The following NCKAP5 variants were observed in gnomAD, a reference collection of about 807,000 sequenced individuals.
NCKAP5 encodes the protein NCK associated protein 5, also known as nck-associated protein 5.
A neutral mutation model predicts 167.0 loss-of-function variants in NCKAP5; 92 were observed. The ratio of observed to expected loss-of-function variants is 0.55; its 90% CI spans 0.47 to 0.66. NCKAP5 has a LOEUF of 0.66. Ranked by LOEUF, NCKAP5 falls within the 30% of genes least tolerant of loss-of-function variation. The probability of loss-of-function intolerance (pLI) is 0.00; values close to 1 mark genes in which losing one functional copy is unlikely to be tolerated. For missense variants in NCKAP5, 2,378 were observed against 2,315.0 expected (o/e 1.03, Z -0.56); for synonymous variants, 891 against 877.4 (o/e 1.02, Z -0.27).
In NCKAP5 at chr2:132,944,417, A is replaced by G. The variant is rs555934610; in HGVS notation, c.579+19303T>C. ...TTATTTTGTGCCAATTTCTGTGTTAAGGACCTTAAAATTGTCATCTCATTT... is the reference window on the plus strand; with the variant it reads ...TTATTTTGTGCCAATTTCTGTGTTAGGGACCTTAAAATTGTCATCTCATTT... On this transcript the variant is annotated intron_variant, in intron 8 of 19. Transcript: ENST00000409261. Among the ~76,000 whole-genome samples, 11 of 152,352 alleles carry G rather than the reference A, an allele frequency of 7.2e-5. No homozygotes were observed. The South Asian group carries it at 2.3e-3, about 32-fold the overall frequency.
chr2:132,700,930 C>T (rs113199166), intron 19 of NCKAP5, among the ~76,000 whole-genome samples: 6 of 113,170 alleles, frequency 5.3e-5, no homozygotes, highest in African/African-American at 7.5e-5. Context: ...ATCCCCTGGG[C>T]GGGGGGGGGG....
At chr2:133,410,898 G>A (rs1688733333) in intron 3 of NCKAP5, among the ~76,000 whole-genome samples, 1 of 152,148 alleles carries the variant, frequency 6.6e-6, no homozygotes, top group African/African-American at 2.4e-5. Context: ...TGGGGTGAGG[G>A]ACTGGGAGCA....
chr2:132,853,085 C>G (rs192681049), intron 11 of NCKAP5, among the ~76,000 whole-genome samples: 118 of 152,248 alleles, frequency 7.8e-4, no homozygotes, highest in African/African-American at 2.6e-3. Flanking sequence ...GCATAGTGCC[C>G]AGGTGTTCTG....
At chr2:133,655,009 A>AC in the NCKAP5 span, among the ~76,000 whole-genome samples, 1 of 152,184 alleles carries the variant, frequency 6.6e-6, no homozygotes, top group Non-Finnish European at 1.5e-5. Context: ...GCAAACATTG[A>AC]CCATCATTCA....
At chr2:133,525,183 T>C (rs1264776940) in intron 2 of NCKAP5, among the ~76,000 whole-genome samples, 1 of 152,228 alleles carries the variant, frequency 6.6e-6, no homozygotes, top group Non-Finnish European at 1.5e-5. Context: ...GTGGTATTCA[T>C]CCTTGCCAGA....
the NCKAP5 span, among the ~76,000 whole-genome samples, chr2:133,636,378 C>A: frequency 2.4e-4 from 37 of 152,008 alleles, no homozygotes; most frequent in Non-Finnish European, 4.0e-4. Context: ...GTAAGAAAAA[C>A]CTGGAGGAAC....
intron 3 of NCKAP5, among the ~76,000 whole-genome samples, chr2:133,404,333 CAGGGG>C (rs1688288980): frequency 6.6e-6 from 1 of 152,158 alleles, no homozygotes; most frequent in Non-Finnish European, 1.5e-5. Context: ...CCCTTATCTG[CAGGGG>C]ATATATTCCA....
intron 3 of NCKAP5, among the ~76,000 whole-genome samples, chr2:133,433,294 G>T (rs554462322): frequency 5.3e-5 from 8 of 152,260 alleles, no homozygotes; most frequent in Middle Eastern, 3.4e-3. Context: ...TGTGTGAATG[G>T]GAAACCTTTC....
intron 3 of NCKAP5, among the ~76,000 whole-genome samples, chr2:133,395,804 C>T (rs1473984658): frequency 5.3e-5 from 8 of 151,966 alleles, no homozygotes; most frequent in African/African-American, 1.4e-4. Flanking sequence ...CCACCACACT[C>T]GGCTATTTTT....
At chr2:133,286,196 C>T (rs1679120399) in intron 4 of NCKAP5, among the ~76,000 whole-genome samples, 1 of 151,996 alleles carries the variant, frequency 6.6e-6, no homozygotes, top group Non-Finnish European at 1.5e-5. Context: ...GACGGGGTTT[C>T]ACTGTTAACC....
At chr2:133,129,871 CT>C in intron 6 of NCKAP5, 106 bp downstream of exon 6, 1 of 1,265,266 alleles carries the variant, frequency 7.9e-7, no homozygotes, top group Non-Finnish European at 1.0e-6. Context: ...GGTAAATTAG[CT>C]CATCAAACAC....
At chr2:133,486,445 G>C (rs1680916138) in intron 3 of NCKAP5, among the ~76,000 whole-genome samples, 1 of 152,190 alleles carries the variant, frequency 6.6e-6, no homozygotes, top group Non-Finnish European at 1.5e-5. Context: ...ATGCAGTGAG[G>C]CTAGTTGTGT....
chr2:133,395,418 C>T (rs761120007), intron 3 of NCKAP5, among the ~76,000 whole-genome samples: 1 of 152,170 alleles, frequency 6.6e-6, no homozygotes, highest in Non-Finnish European at 1.5e-5. Context: ...ACCAGACATA[C>T]CTTTCCCATT....
At chr2:132,996,847 T>A (rs780422569) in intron 6 of NCKAP5, among the ~76,000 whole-genome samples, 17 of 152,252 alleles carry the variant, frequency 1.1e-4, no homozygotes, top group Non-Finnish European at 2.2e-4. Flanking sequence ...GACCTTGTCA[T>A]TGGGGCCCAC....
At chr2:133,459,658 G>T (rs1257360476) in intron 3 of NCKAP5, among the ~76,000 whole-genome samples, 1 of 152,174 alleles carries the variant, frequency 6.6e-6, no homozygotes. Context: ...CTCAAAAACT[G>T]CAATGGCCTG....
intron 11 of NCKAP5, among the ~76,000 whole-genome samples, chr2:132,815,717 ACGTCACCAAGCCCAGT>A (rs1193564533): frequency 2.0e-4 from 31 of 152,162 alleles, no homozygotes. Flanking sequence ...GTCACAGAAG[ACGTCACCAAGCCCAGT>A]GCATCATCAA....
chr2:133,026,295 G>A (rs1004557651), intron 6 of NCKAP5, among the ~76,000 whole-genome samples: 1 of 151,356 alleles, frequency 6.6e-6, no homozygotes, highest in Non-Finnish European at 1.5e-5. Flanking sequence ...TCTGTAGGTT[G>A]TTTGATGATA....
At chr2:133,599,809 C>T in the NCKAP5 span, among the ~76,000 whole-genome samples, 930 of 152,336 alleles carry the variant, frequency 6.1e-3, 15 homozygotes, top group African/African-American at 0.021. Flanking sequence ...CGCCTGGGAA[C>T]CCTGTCTACA....
chr2:133,493,276 T>C (rs527757510), intron 3 of NCKAP5, among the ~76,000 whole-genome samples: 3 of 152,168 alleles, frequency 2.0e-5, no homozygotes, highest in African/African-American at 4.8e-5. Flanking sequence ...CAGGCATGCA[T>C]GTCAATACAA....
Sources: allele counts gnomAD v4.1 joint callset (sites outside exome capture counted in the v4.1 genomes callset), GRCh38; gene constraint gnomAD v4.1.1; transcripts MANE v1.5; gene names NCBI Gene and HGNC (gene_info 2026-07-23, HGNC 2026-07-21).